HORMAD1: variants seen among roughly 807,000 people sequenced by gnomAD.
HORMAD1 encodes the protein HORMA domain-containing protein 1.
Under a neutral mutation model 58.2 loss-of-function variants are expected in HORMAD1, and 33 were observed. The ratio of observed to expected loss-of-function variants is 0.57; its 90% CI spans 0.43 to 0.76. The LOEUF is 0.76. Among genes scored for constraint, HORMAD1 ranks in the 30% least tolerant of loss-of-function variants. The pLI, the probability that HORMAD1 is intolerant of heterozygous loss-of-function variation, is 0.00. For missense variants in HORMAD1, 363 were observed against 462.0 expected, an observed-to-expected ratio of 0.79 and a Z score of 1.96; for synonymous variants, 137 against 144.6, an observed-to-expected ratio of 0.95 and a Z score of 0.38.
chr1:150,714,273 C>A, intron 4 of HORMAD1, 152 bp from the exon 5 acceptor site: 1 of 520,894 alleles, frequency 1.9e-6, no homozygotes, highest in Non-Finnish European at 3.4e-6. Flanking sequence ...CAAGACAAAA[C>A]ATAAAAAACA....
chr1:150,703,270 A>G lies in HORMAD1; in HGVS notation c.1032+40T>C. The G allele has an allele frequency of 4.8e-6, 5 of 1,038,294 alleles. No individual in the cohort carries two copies. In the South Asian group the frequency reaches 5.7e-5, roughly 12 times the overall value. 64.3% of individuals were successfully genotyped at this position (1,038,294 alleles called of 1,614,324 possible). A position where few individuals can be genotyped will look rare whatever the true frequency, so the allele number is the denominator to read the frequency against. The stretch of plus-strand genomic sequence containing the variant: ...ATAAACTCACATATGGGGGAGAATT[A>G]CAAGGTTACAATGGAAAACAAACCT... On this transcript the variant is annotated intron_variant, in intron 13 of 14. Coordinates refer to ENST00000361824, the MANE Select transcript of HORMAD1 (RefSeq NM_032132.5).
Position 150,698,751 on chromosome 1 carries a change from A to T in HORMAD1, c.1105-17T>A. On this transcript the variant is annotated splice_polypyrimidine_tract_variant and intron_variant, in intron 14 of 14. Transcript: ENST00000361824. ...ATGGAGGACCTGTCAAAAGAAAACAACTACTAAGAATAGATACTTTCCTGT... is the reference window on the plus strand; with the variant it reads ...ATGGAGGACCTGTCAAAAGAAAACATCTACTAAGAATAGATACTTTCCTGT... 4 of 1,405,520 alleles carry T rather than the reference A, an allele frequency of 2.8e-6. No individual in the cohort carries two copies. The highest frequency in any genetic ancestry group is 4.0e-6 in the Non-Finnish European group (4 of 1,004,206). The allele number at this position is 1,405,520 out of a possible 1,614,324, so 87.1% of individuals were successfully genotyped here.
At chr1:150,714,171 AAT>A (rs775689249) in intron 4 of HORMAD1, 50 bp from the exon 5 acceptor site, 7 of 1,123,180 alleles carry the variant, frequency 6.2e-6, no homozygotes, top group Admixed American at 2.3e-5. Context: ...ATTTCCAGAA[AAT>A]AGTTATTTTC....
intron 14 of HORMAD1, among the ~76,000 whole-genome samples, chr1:150,699,691 T>TTG (rs201774034): frequency 0.011 from 1,304 of 117,152 alleles, 12 homozygotes; most frequent in Admixed American, 0.015. Flanking sequence ...CGCCCAGCTA[T>TTG]TTTTTTTTTT....
At chr1:150,700,304 G>A in intron 13 of HORMAD1, 121 bp from the exon 14 acceptor site, 1 of 588,330 alleles carries the variant, frequency 1.7e-6, no homozygotes, top group Non-Finnish European at 3.0e-6. Flanking sequence ...TAGGGACAGG[G>A]TCTCCCTCTG....
intron 5 of HORMAD1, 48 bp downstream of exon 5, chr1:150,714,037 A>G (rs1651986650): frequency 1.7e-6 from 2 of 1,149,504 alleles, no homozygotes; most frequent in Non-Finnish European, 2.6e-6. Context: ...TTATATTTGT[A>G]GATCATAAAC....
chr1:150,712,676 G>A (rs1272677109), intron 5 of HORMAD1, among the ~76,000 whole-genome samples: 1 of 152,086 alleles, frequency 6.6e-6, no homozygotes, highest in East Asian at 1.9e-4. Flanking sequence ...AGCCTCCTGA[G>A]TAACTGGGAT....
rs756399813 is a variant in HORMAD1 at position 150,711,541 on chromosome 1, T to G, written c.327+4A>C. On this transcript the variant is annotated splice_donor_region_variant and intron_variant, in intron 7 of 14. Transcript: ENST00000361824. ...TGTTTCTTTAGTAACTCAAGCACAC[T>G]TACCTGAGGATCTTCTGGGTTTGTG... 25 of 1,595,846 alleles carry G rather than the reference T, an allele frequency of 1.6e-5. No homozygotes were observed. Among genetic ancestry groups the G allele is most frequent in the Non-Finnish European group, 2.1e-5 (24 of 1,164,020 alleles).
At chr1:150,704,059 C>T (rs1160972959) in intron 12 of HORMAD1, 59 bp downstream of exon 12, 10 of 1,054,864 alleles carry the variant, frequency 9.5e-6, no homozygotes, top group African/African-American at 1.7e-5. Context: ...AAAAAATTAG[C>T]GCATAAGCAA....
chr1:150,708,234 C>T, intron 9 of HORMAD1, 22 bp downstream of exon 9: 2 of 1,536,228 alleles, frequency 1.3e-6, no homozygotes, highest in African/African-American at 1.4e-5. Flanking sequence ...CCAACTGAAA[C>T]AGGATGTATT....
At chr1:150,713,320 T>TA (rs1206211831) in intron 5 of HORMAD1, among the ~76,000 whole-genome samples, 1 of 152,224 alleles carries the variant, frequency 6.6e-6, no homozygotes, top group African/African-American at 2.4e-5. Context: ...TGATCACTGT[T>TA]AGCTTACCCA....
chr1:150,713,895 G>A (rs1651982182), intron 5 of HORMAD1, 190 bp downstream of exon 5: 1 of 579,250 alleles, frequency 1.7e-6, no homozygotes, highest in South Asian at 2.0e-5. Flanking sequence ...TTTGTTTAGT[G>A]TTAATTCCAT....
intron 3 of HORMAD1, among the ~76,000 whole-genome samples, chr1:150,716,217 C>T (rs1171485648): frequency 2.5e-5 from 3 of 119,424 alleles, no homozygotes; most frequent in Non-Finnish European, 4.8e-5. Flanking sequence ...GGCTGGAGTG[C>T]AGTGGCACAA....
intron 12 of HORMAD1, 74 bp from the exon 13 acceptor site, chr1:150,703,467 C>A: frequency 1.3e-6 from 1 of 793,184 alleles, no homozygotes; most frequent in Non-Finnish European, 2.0e-6. Context: ...AAATGGGGTC[C>A]AAAAATTTAA....
intron 13 of HORMAD1, among the ~76,000 whole-genome samples, chr1:150,702,781 T>C (rs936578270): frequency 9.9e-5 from 15 of 152,136 alleles, no homozygotes; most frequent in African/African-American, 3.6e-4. Flanking sequence ...GATAAATAGC[T>C]AATGCATGTG....
At chr1:150,711,800 T>TA (rs1651914083) in intron 6 of HORMAD1, 33 bp downstream of exon 6, 5 of 1,507,748 alleles carry the variant, frequency 3.3e-6, no homozygotes, top group African/African-American at 1.4e-5. Flanking sequence ...TTGGCAGTAT[T>TA]AAAAAAAGAA....
rs1261015418 is a variant in HORMAD1, at chr1:150,706,802, GGGTGT to G, written c.550_554del (p.Thr184ProfsTer9). On this transcript the variant is annotated frameshift_variant and splice_region_variant, in exon 10 of 15. Coordinates refer to ENST00000361824, the MANE Select transcript of HORMAD1 (RefSeq NM_032132.5). LOFTEE classifies it high-confidence loss of function. ...TAAAACCGGGAGGCTGGTAATCTGG[GGGTGT>G]AACTGCAAAAAAGTAAGTGTAAACT... is the stretch of plus-strand genomic sequence containing the variant. 6.2e-7 allele frequency: 1 copy of G among 1,605,592 alleles called. No individual in the cohort carries two copies. The highest frequency in any genetic ancestry group is 8.5e-7 in the Non-Finnish European group (1 of 1,175,576).
rs763920255 is a variant in HORMAD1 at position 150,698,754 on chromosome 1, A to G, written c.1105-20T>C. On this transcript the variant is annotated intron_variant, in intron 14 of 14. Transcript: ENST00000361824. ...GAGGACCTGTCAAAAGAAAACAACT[A>G]CTAAGAATAGATACTTTCCTGTTTA... is the stretch of plus-strand genomic sequence containing the variant. The G allele has an allele frequency of 7.4e-7, 1 of 1,344,444 alleles. No individual in the cohort carries two copies. The highest frequency in any genetic ancestry group is 1.0e-6 in the Non-Finnish European group (1 of 954,174). The allele number at this position is 1,344,444 out of a possible 1,614,324, so 83.3% of individuals were successfully genotyped here. A position where few individuals can be genotyped will look rare whatever the true frequency, so the allele number is the denominator to read the frequency against.
At chr1:150,720,613 A>G (rs1426432754) in intron 1 of HORMAD1, among the ~76,000 whole-genome samples, 191 bp downstream of exon 1, 1 of 152,326 alleles carries the variant, frequency 6.6e-6, no homozygotes, top group Admixed American at 6.5e-5. Flanking sequence ...ACAAATCCTG[A>G]ATTCGCCGTC....
Sources: gnomAD v4.1 joint callset for allele counts (sites outside exome capture counted in the v4.1 genomes callset) on GRCh38, gnomAD v4.1.1 for gene constraint, MANE v1.5 for transcripts, NCBI Gene and HGNC (gene_info 2026-07-23, HGNC 2026-07-21) for gene names.